The following CNOT1 variants were observed in gnomAD, a reference collection of about 807,000 sequenced individuals.
The protein encoded by CNOT1 is CCR4-NOT transcription complex subunit 1.
In CNOT1, 15 loss-of-function variants were observed where a neutral mutation model predicts 273.8. That is an observed-to-expected ratio of 0.05 (90% confidence interval 0.04 to 0.08). CNOT1 has a LOEUF of 0.08. CNOT1 is among the 10% of genes least tolerant of loss of function. The pLI, the probability that CNOT1 is intolerant of heterozygous loss-of-function variation, is 1.00. For synonymous variants in CNOT1, 1,022 were observed against 1,005.5 expected (o/e 1.02, Z -0.31); for missense variants, 1,644 against 2,912.2 (o/e 0.56, Z 10.02).
At chr16:58,546,194 A>G in intron 29 of CNOT1, 127 bp downstream of exon 29, 1 of 815,090 alleles carries the variant, frequency 1.2e-6, no homozygotes, top group Non-Finnish European at 1.9e-6. Flanking sequence ...AAGGCTCACC[A>G]AAACGTATAC....
At chr16:58,537,257 C>T (rs758347380) in intron 38 of CNOT1, 37 bp from the exon 39 acceptor site, 12 of 1,541,528 alleles carry the variant, frequency 7.8e-6, no homozygotes, top group Non-Finnish European at 8.7e-6. Context: ...TCAGTCTCCT[C>T]GTAGTTGTGA....
chr16:58,596,569 TG>T (rs200356913), intron 2 of CNOT1, among the ~76,000 whole-genome samples: 1,919 of 151,732 alleles, frequency 0.013, 14 homozygotes, highest in Non-Finnish European at 0.02. Flanking sequence ...CATCAGAAGG[TG>T]GGGGCAAAGG....
At chr16:58,599,104 G>T in intron 2 of CNOT1, 132 bp downstream of exon 2, 123 of 772,540 alleles carry the variant, frequency 1.6e-4, no homozygotes, top group Middle Eastern at 2.6e-4. Flanking sequence ...AGATGATGAT[G>T]ACAGAAATCA....
chr16:58,583,950 C>T (rs982464020), intron 8 of CNOT1, among the ~76,000 whole-genome samples: 11 of 148,464 alleles, frequency 7.4e-5, no homozygotes, highest in Admixed American at 2.7e-4. Context: ...GGGTGGATCA[C>T]GAGGTCAGGA....
chr16:58,540,547 G>C (rs927054564), intron 34 of CNOT1, among the ~76,000 whole-genome samples: 2 of 152,186 alleles, frequency 1.3e-5, no homozygotes, highest in African/African-American at 4.8e-5. Flanking sequence ...ACACCAGCTA[G>C]AACTGAGGGA....
chr16:58,534,103 C>A, intron 40 of CNOT1, 44 bp downstream of exon 40: 1 of 1,434,702 alleles, frequency 7.0e-7, no homozygotes, highest in Non-Finnish European at 9.2e-7. Flanking sequence ...AATAAAACAC[C>A]CCACTGATGT....
At chr16:58,557,082 TTA>T (rs1281735298) in intron 18 of CNOT1, 89 bp from the exon 19 acceptor site, 3 of 1,461,282 alleles carry the variant, frequency 2.1e-6, no homozygotes, top group African/African-American at 1.4e-5. Flanking sequence ...AGACAGACTT[TTA>T]AAATAAAGTC....
At chr16:58,597,052 CTT>C (rs769814327) in intron 2 of CNOT1, among the ~76,000 whole-genome samples, 4 of 149,576 alleles carry the variant, frequency 2.7e-5, no homozygotes, top group Non-Finnish European at 5.9e-5. Context: ...TTTTCTATTT[CTT>C]TTTTATCAAC....
rs2040281271 is a variant in CNOT1, at chr16:58,547,085, G to C, written c.3750+101C>G. On this transcript the variant is annotated intron_variant, in intron 27 of 48. Coordinates refer to ENST00000317147, the MANE Select transcript of CNOT1 (RefSeq NM_016284.5). This position sits in a 1 kb window ranked among gnomAD's most constrained non-coding sequence, Gnocchi z 4.0. ...CCATAGAGGAAAACAGACTTAACTA[G>C]CTTTACCTCACAAGAACTAAGAATA... 1 of 1,444,780 alleles carries C rather than the reference G, an allele frequency of 6.9e-7. No individual in the cohort carries two copies. The highest frequency in any genetic ancestry group is 1.5e-5 in the South Asian group (1 of 66,456). 89.5% of individuals were successfully genotyped at this position (1,444,780 alleles called of 1,614,324 possible).
At chr16:58,546,275 G>A in intron 29 of CNOT1, 46 bp downstream of exon 29, 1 of 1,492,088 alleles carries the variant, frequency 6.7e-7, no homozygotes, top group Non-Finnish European at 9.3e-7. Flanking sequence ...ATTTAAGATA[G>A]TATCCTAGCT....
Position 58,581,295 on chromosome 16 carries a change from AATAAGT to A in CNOT1, c.1215+44_1215+49del, listed in dbSNP as rs2041651715. ...AATGGGTAGATGGCACTACATAAAG[AATAAGT>A]CATGTTTTATTCCCCCATCTATAGC... On this transcript the variant is annotated intron_variant, in intron 11 of 48. Coordinates refer to ENST00000317147, the MANE Select transcript of CNOT1 (RefSeq NM_016284.5). 1.9e-6 allele frequency: 3 copies of A among 1,550,518 alleles called. No homozygotes were observed. The African/African-American group carries it at 4.1e-5, about 21-fold the overall frequency.
At chr16:58,562,144 C>T (rs2040869833) in intron 16 of CNOT1, among the ~76,000 whole-genome samples, 1 of 150,430 alleles carries the variant, frequency 6.6e-6, no homozygotes, top group South Asian at 2.1e-4. Flanking sequence ...GATTGCACTA[C>T]TGTACTCCAG....
intron 21 of CNOT1, among the ~76,000 whole-genome samples, chr16:58,554,926 A>C: frequency 1.1e-5 from 1 of 93,776 alleles, no homozygotes; most frequent in African/African-American, 5.6e-5. Flanking sequence ...ACAGAGCAAG[A>C]CTCCATCTCA....
intron 42 of CNOT1, 108 bp downstream of exon 42, chr16:58,531,850 A>T: frequency 7.5e-7 from 1 of 1,328,710 alleles, no homozygotes; most frequent in Non-Finnish European, 1.0e-6. Context: ...CTAAGTTTGG[A>T]AGAAGTACAA....
chr16:58,561,008 G>C (rs1278268717), intron 16 of CNOT1, among the ~76,000 whole-genome samples: 1 of 152,126 alleles, frequency 6.6e-6, no homozygotes, highest in South Asian at 2.1e-4. Flanking sequence ...CTGGGTGACA[G>C]AGTAAGACTC....
At chr16:58,579,206 A>G (rs1396946769) in intron 12 of CNOT1, among the ~76,000 whole-genome samples, 1 of 152,228 alleles carries the variant, frequency 6.6e-6, no homozygotes, top group Non-Finnish European at 1.5e-5. Context: ...ACACCATGAG[A>G]AAACAGGTAA....
chr16:58,589,012 A>C lies in CNOT1; in HGVS notation c.103-106T>G. 3.1e-6 allele frequency: 4 copies of C among 1,306,996 alleles called. No individual in the cohort carries two copies. In the South Asian group the frequency reaches 5.8e-5, roughly 19 times the overall value. 81.0% of individuals were successfully genotyped at this position (1,306,996 alleles called of 1,614,324 possible). A position where few individuals can be genotyped will look rare whatever the true frequency, so the allele number is the denominator to read the frequency against. On this transcript the variant is annotated intron_variant, in intron 2 of 48. Coordinates refer to ENST00000317147, the MANE Select transcript of CNOT1 (RefSeq NM_016284.5). ...CCTCCAAGGCAAAATTCCAATTTAC[A>C]TTAGTTACTCATTTTTGAATTAAAG...
chr16:58,520,757 C>T lies in CNOT1; in HGVS notation c.*201G>A. On this transcript the variant is annotated 3_prime_UTR_variant, in exon 49 of 49. Transcript: ENST00000317147. ...ATTCACAGCATCTTCTAAATTTTGGCCAAGAGTCAAAAAAATGCATTTAAA... is the reference window on the plus strand; with the variant it reads ...ATTCACAGCATCTTCTAAATTTTGGTCAAGAGTCAAAAAAATGCATTTAAA... The T allele has an allele frequency of 1.7e-6, 1 of 581,672 alleles. No homozygotes were observed. 36.0% of individuals were successfully genotyped at this position (581,672 alleles called of 1,614,324 possible). A position where few individuals can be genotyped will look rare whatever the true frequency, so the allele number is the denominator to read the frequency against.
chr16:58,523,364 G>A lies in CNOT1; in HGVS notation c.6917+6C>T, dbSNP rs528353760. 19 of 1,569,188 alleles carry A rather than the reference G, an allele frequency of 1.2e-5. No individual in the cohort carries two copies. Among genetic ancestry groups the A allele is most frequent in the Admixed American group, 3.6e-5 (2 of 54,804 alleles). ...GAAGCATTTAAAAAATAAGCTGCTC[G>A]CTTACCTTGTGATCTGTTCTTGGAT... On this transcript the variant is annotated splice_donor_region_variant and intron_variant, in intron 47 of 48. Transcript: ENST00000317147.
Sources: gnomAD v4.1 joint callset for allele counts (sites outside exome capture counted in the v4.1 genomes callset) on GRCh38, gnomAD v4.1.1 for gene constraint, Gnocchi (gnomAD v3.1) non-coding constraint, MANE v1.5 for transcripts, NCBI Gene and HGNC (gene_info 2026-07-23, HGNC 2026-07-21) for gene names.